The following NAV3 variants were observed in gnomAD, a reference collection of about 807,000 sequenced individuals.
NAV3 encodes the protein pore membrane and/or filament interacting like protein 1.
In NAV3, 87 loss-of-function variants were observed where a neutral mutation model predicts 244.7. The ratio of observed to expected loss-of-function variants is 0.36; its 90% CI spans 0.30 to 0.42. NAV3 has a LOEUF of 0.42. Ranked by LOEUF, NAV3 falls within the 20% of genes least tolerant of loss-of-function variation. The pLI, the probability that NAV3 is intolerant of heterozygous loss-of-function variation, is 1.00. For missense variants in NAV3, 2,663 were observed against 2,893.3 expected, an observed-to-expected ratio of 0.92 and a Z score of 1.83; for synonymous variants, 1,126 against 1,042.2, an observed-to-expected ratio of 1.08 and a Z score of -1.55.
At chr12:77,756,762 T>C (rs890665055) in intron 2 of NAV3, among the ~76,000 whole-genome samples, 1 of 152,206 alleles carries the variant, frequency 6.6e-6, no homozygotes, top group Non-Finnish European at 1.5e-5. Flanking sequence ...AATTCTGAGA[T>C]ATGCAATATC....
In NAV3 at chr12:78,037,144, G is replaced by A. The variant is rs1346486511; in HGVS notation, c.2024-12849G>A. ...GCCTGGAACCTCCTGCCTGCTGGGG[G>A]CAGCCAGTCAGACAGTGAAGACTTA... On this transcript the variant is annotated intron_variant, in intron 9 of 39. Transcript: ENST00000397909. The A allele has an allele frequency of 4.3e-6, 3 of 702,892 alleles. No individual in the cohort carries two copies. The Admixed American group carries it at 6.0e-5, about 14-fold the overall frequency. The allele number at this position is 702,892 out of a possible 1,614,324, so 43.5% of individuals were successfully genotyped here.
chr12:78,031,881 A>G (rs1229962181), intron 9 of NAV3, among the ~76,000 whole-genome samples: 2 of 151,830 alleles, frequency 1.3e-5, no homozygotes, highest in Admixed American at 1.3e-4. Flanking sequence ...AACTTAAAGT[A>G]TAATAAAAAA....
At chr12:77,713,504 A>G (rs1876219521) in intron 2 of NAV3, among the ~76,000 whole-genome samples, 1 of 152,204 alleles carries the variant, frequency 6.6e-6, no homozygotes, top group South Asian at 2.1e-4. Flanking sequence ...TTATACATTT[A>G]AGTGAAAGTG....
At chr12:78,096,249 A>G (rs1211384524) in intron 12 of NAV3, among the ~76,000 whole-genome samples, 1 of 152,192 alleles carries the variant, frequency 6.6e-6, no homozygotes, top group Non-Finnish European at 1.5e-5. Flanking sequence ...AACAGTGAAG[A>G]ATATCATAAC....
At chr12:77,866,677 A>G (rs1341956115) in intron 1 of NAV3, among the ~76,000 whole-genome samples, 4 of 152,218 alleles carry the variant, frequency 2.6e-5, no homozygotes, top group African/African-American at 4.8e-5. Flanking sequence ...AAAACCTCAT[A>G]TGTTTGAAGC....
chr12:77,905,411 A>T (rs1000087978), intron 1 of NAV3, among the ~76,000 whole-genome samples: 1 of 152,092 alleles, frequency 6.6e-6, no homozygotes, highest in African/African-American at 2.4e-5. Context: ...AATTACTATA[A>T]AATTTTAAAA....
intron 19 of NAV3, 46 bp from the exon 20 acceptor site, chr12:78,140,236 G>T (rs1354231921): frequency 6.5e-7 from 1 of 1,539,850 alleles, no homozygotes; most frequent in Admixed American, 1.7e-5. Flanking sequence ...GAATTTTTGA[G>T]TAGACCTTAT....
chr12:78,042,706 T>TGC (rs1336734711), intron 9 of NAV3, among the ~76,000 whole-genome samples: 2 of 152,154 alleles, frequency 1.3e-5, no homozygotes, highest in Non-Finnish European at 2.9e-5. Flanking sequence ...GGGGAATCGC[T>TGC]TGAATTCCAG....
intron 2 of NAV3, among the ~76,000 whole-genome samples, chr12:77,736,649 A>C (rs1465651955): frequency 6.6e-6 from 1 of 152,204 alleles, no homozygotes; most frequent in African/African-American, 2.4e-5. Flanking sequence ...GTTATGGTTA[A>C]AGTGAAGTGC....
At chr12:77,980,877 G>GCTT (rs1869436774) in intron 5 of NAV3, among the ~76,000 whole-genome samples, 1 of 152,110 alleles carries the variant, frequency 6.6e-6, no homozygotes, top group Admixed American at 6.6e-5. Context: ...AAGAGACTTT[G>GCTT]ATGCTGTAAT....
At chr12:77,720,484 A>G (rs112347431) in intron 2 of NAV3, among the ~76,000 whole-genome samples, 6,757 of 152,106 alleles carry the variant, frequency 0.044, 192 homozygotes, top group Middle Eastern at 0.075. Flanking sequence ...TGTTTGAAGT[A>G]CTACAGGTTC....
intron 9 of NAV3, among the ~76,000 whole-genome samples, chr12:78,029,962 C>T (rs1878703026): frequency 6.6e-6 from 1 of 152,088 alleles, no homozygotes; most frequent in African/African-American, 2.4e-5. Context: ...CCTTTGATTT[C>T]TGATGGTTCA....
chr12:77,991,381 G>A (rs762437797), intron 5 of NAV3, among the ~76,000 whole-genome samples: 6 of 151,972 alleles, frequency 3.9e-5, no homozygotes, highest in Non-Finnish European at 8.8e-5. Context: ...TGATAGTATT[G>A]GTACATTTGA....
chr12:77,825,899 T>C (rs1250750407), upstream of NAV3, among the ~76,000 whole-genome samples: 4 of 152,168 alleles, frequency 2.6e-5, no homozygotes, highest in African/African-American at 9.7e-5. Context: ...CCAAAGATGA[T>C]ATATGAATGA....
At chr12:77,725,580 G>C (rs1373073606) in intron 2 of NAV3, among the ~76,000 whole-genome samples, 1 of 151,496 alleles carries the variant, frequency 6.6e-6, no homozygotes, top group Non-Finnish European at 1.5e-5. Context: ...GTGGAAATCA[G>C]AGAAAGTGGT....
chr12:78,002,596 G>GT (rs574843632), intron 7 of NAV3, among the ~76,000 whole-genome samples: 237 of 152,012 alleles, frequency 1.6e-3, no homozygotes, highest in Admixed American at 5.2e-3. Context: ...TAAACACTTT[G>GT]TTTTTTTAAT....
chr12:78,201,513 T>G (rs564948141), intron 38 of NAV3, among the ~76,000 whole-genome samples: 1 of 152,138 alleles, frequency 6.6e-6, no homozygotes, highest in South Asian at 2.1e-4. Context: ...CCTTCTATCT[T>G]GAGGCCCTGC....
At chr12:77,805,151 C>T (rs10777454) in intron 2 of NAV3, among the ~76,000 whole-genome samples, 34 of 151,924 alleles carry the variant, frequency 2.2e-4, no homozygotes, top group Non-Finnish European at 4.6e-4. Context: ...TACTTGAATA[C>T]CCTTTATTTC....
At chr12:78,165,813 GGAAA>G (rs1957756978) in intron 23 of NAV3, among the ~76,000 whole-genome samples, 1 of 151,508 alleles carries the variant, frequency 6.6e-6, no homozygotes, top group Non-Finnish European at 1.5e-5. Flanking sequence ...AATACTATTG[GGAAA>G]GAGAGAAAGG....
Sources: allele counts gnomAD v4.1 joint callset (sites outside exome capture counted in the v4.1 genomes callset), GRCh38; gene constraint gnomAD v4.1.1; transcripts MANE v1.5; gene names NCBI Gene and HGNC (gene_info 2026-07-23, HGNC 2026-07-21).